The following MTHFSD variants were observed in gnomAD, a reference collection of about 807,000 sequenced individuals.
MTHFSD encodes methenyltetrahydrofolate synthetase domain containing.
In MTHFSD, 37 loss-of-function variants were observed where a neutral mutation model predicts 31.1. That is an observed-to-expected ratio of 1.19 (90% CI 0.91 to 1.56). The LOEUF (loss-of-function observed/expected upper bound fraction) is 1.56, where lower values mean the gene tolerates loss of function less well. Ranked by LOEUF, MTHFSD falls within the 40% of genes most tolerant of loss-of-function variation. The probability of loss-of-function intolerance (pLI) is 0.00; values close to 1 mark genes in which losing one functional copy is unlikely to be tolerated. For synonymous variants in MTHFSD, 221 were observed against 206.9 expected, an observed-to-expected ratio of 1.07 and a Z score of -0.59; for missense variants, 664 against 510.1, an observed-to-expected ratio of 1.30 and a Z score of -2.91.
At chr16:86,539,191 C>T (rs749521053) in intron 7 of MTHFSD, among the ~76,000 whole-genome samples, 9 of 152,144 alleles carry the variant, frequency 5.9e-5, no homozygotes, top group Non-Finnish European at 1.2e-4. Flanking sequence ...TGGTCACAGG[C>T]GGTATGGAGC....
rs1407180055 is a variant in MTHFSD, at chr16:86,542,919, G to T, written c.443-706C>A. Among the ~76,000 whole-genome samples, 1 of 152,196 alleles carries T rather than the reference G, an allele frequency of 6.6e-6. No homozygotes were observed. Among genetic ancestry groups the T allele is most frequent in the African/African-American group, 2.4e-5 (1 of 41,438 alleles). On this transcript the variant is annotated intron_variant, in intron 5 of 7. Transcript: ENST00000360900. The surrounding 1 kb of genome is among the most constrained non-coding windows in gnomAD (Gnocchi z 4.6). ...ATGGAGAAGCTACAATTCCGCTTAT[G>T]AGAAGCCTGAGGCACTTCAGAAACT...
At position 86,531,752 on chromosome 16, in the gene MTHFSD, C is replaced by A. The variant is rs947364592; in HGVS notation, c.*259G>T. On this transcript the variant is annotated 3_prime_UTR_variant, in exon 8 of 8. Transcript: ENST00000360900. This position sits in a 1 kb window ranked among gnomAD's most constrained non-coding sequence, Gnocchi z 5.5. ...TCTGTCCCTCCAGAGAAACAGAAAC[C>A]GACTCAAGGCCCGAGCCTGCACGAT... is the stretch of plus-strand genomic sequence containing the variant. The A allele has an allele frequency of 3.0e-6, 1 of 337,204 alleles. No homozygotes were observed. The highest frequency in any genetic ancestry group is 2.1e-5 in the African/African-American group (1 of 47,398). The allele number at this position is 337,204 out of a possible 1,614,324, so 20.9% of individuals were successfully genotyped here. A position where few individuals can be genotyped will look rare whatever the true frequency, so the allele number is the denominator to read the frequency against.
At chr16:86,555,027 C>T (rs767163172) in intron 1 of MTHFSD, 142 bp downstream of exon 1, 2 of 1,441,382 alleles carry the variant, frequency 1.4e-6, no homozygotes, top group African/African-American at 1.4e-5. Context: ...GAACCCAGCA[C>T]AGACCCCCTC....
intron 7 of MTHFSD, among the ~76,000 whole-genome samples, chr16:86,539,568 C>T (rs1215787002): frequency 1.3e-5 from 2 of 152,196 alleles, no homozygotes; most frequent in Non-Finnish European, 2.9e-5. Context: ...AAACTCTTGA[C>T]TGCTAAACTC....
chr16:86,540,920 T>C (rs947498107), intron 7 of MTHFSD: 2 of 1,135,582 alleles, frequency 1.8e-6, no homozygotes, highest in Non-Finnish European at 2.2e-6. Flanking sequence ...GGCTGGGCTG[T>C]GGCAAAAGCA....
intron 5 of MTHFSD, among the ~76,000 whole-genome samples, chr16:86,543,421 T>A (rs1231764919): frequency 6.6e-6 from 1 of 152,198 alleles, no homozygotes; most frequent in African/African-American, 2.4e-5. Flanking sequence ...GCACCTAGAC[T>A]ATCCCACAGA....
chr16:86,542,373 C>T lies in MTHFSD; in HGVS notation c.443-160G>A, dbSNP rs1971649316. The T allele has an allele frequency of 4.8e-6, 3 of 621,496 alleles. No homozygotes were observed. Among genetic ancestry groups the T allele is most frequent in the South Asian group, 4.0e-5 (2 of 50,562 alleles). The allele number at this position is 621,496 out of a possible 1,614,324, so 38.5% of individuals were successfully genotyped here. ...TGCCCACCAAATGCCCACAAGCAGC[C>T]CACACTGACGATGGACTTTTGGGCA... is the stretch of plus-strand genomic sequence containing the variant. On this transcript the variant is annotated intron_variant, in intron 5 of 7. Transcript: ENST00000360900. This position sits in a 1 kb window ranked among gnomAD's most constrained non-coding sequence, Gnocchi z 4.6.
At chr16:86,533,634 G>C (rs1006749928) in intron 7 of MTHFSD, 1 of 152,168 alleles carries the variant, frequency 6.6e-6, no homozygotes, top group East Asian at 1.9e-4. Flanking sequence ...TTAGAGCAAT[G>C]GTCCTTATCC....
At position 86,531,994 on chromosome 16, in the gene MTHFSD, C is replaced by T. The variant is rs535115199; in HGVS notation, c.*17G>A. On this transcript the variant is annotated 3_prime_UTR_variant, in exon 8 of 8. Transcript: ENST00000360900. The surrounding 1 kb of genome is among the most constrained non-coding windows in gnomAD (Gnocchi z 5.5). ...GGGATGGCGAGTCTGCAGTGAGCTC[C>T]GTGGCTGTCCACGAGGTCACTTGTC... The T allele has an allele frequency of 1.1e-5, 16 of 1,441,026 alleles. No homozygotes were observed. In the East Asian group the frequency reaches 2.6e-4, roughly 23 times the overall value. The allele number at this position is 1,441,026 out of a possible 1,614,324, so 89.3% of individuals were successfully genotyped here.
At chr16:86,547,057 A>G in intron 4 of MTHFSD, 2 of 658,046 alleles carry the variant, frequency 3.0e-6, no homozygotes, top group African/African-American at 1.9e-5. Flanking sequence ...CAGCTGTAAG[A>G]CAGGGACACC....
Position 86,546,610 on chromosome 16 carries a change from T to C in MTHFSD, c.391A>G (p.Arg131Gly), listed in dbSNP as rs1413899355. Residue 131 changes from arginine to glycine, a missense_variant, in exon 5 of 8, where the codon AGA (arginine) becomes GGA (glycine). By Grantham distance (125) the Arg-to-Gly change is moderately radical. Transcript: ENST00000360900. Reference sequence around the variant, plus strand: ...ACCACAACTAAATCCACGAGGACTCTGGAGTCCAAGCCTATGGGGACACTG... The same window carrying C: ...ACCACAACTAAATCCACGAGGACTCCGGAGTCCAAGCCTATGGGGACACTG... ...NYSVPIGLDS[R>G]VLVDLVVVGS... is the part of the protein sequence containing the mutation. 2 of 1,613,946 alleles carry C rather than the reference T, an allele frequency of 1.2e-6. No individual in the cohort carries two copies. The highest frequency in any genetic ancestry group is 4.5e-5 in the East Asian group (2 of 44,890).
chr16:86,548,677 A>G (rs2143794486), intron 3 of MTHFSD, 100 bp from the exon 4 acceptor site: 2 of 894,246 alleles, frequency 2.2e-6, no homozygotes, highest in East Asian at 5.5e-5. Flanking sequence ...GCAAATTACT[A>G]TTATCCGCAT....
At chr16:86,554,339 T>TGTAACACTC (rs1491207563) in intron 2 of MTHFSD, among the ~76,000 whole-genome samples, 3 of 152,126 alleles carry the variant, frequency 2.0e-5, no homozygotes, top group Admixed American at 1.3e-4. Flanking sequence ...CTTTAAAAAC[T>TGTAACACTC]GTAACACTCA....
chr16:86,542,541 G>A lies in MTHFSD; in HGVS notation c.443-328C>T, dbSNP rs1971673750. The A allele has an allele frequency of 4.5e-6, 1 of 223,404 alleles. No individual in the cohort carries two copies. Among genetic ancestry groups the A allele is most frequent in the African/African-American group, 2.3e-5 (1 of 43,702 alleles). 13.8% of individuals were successfully genotyped at this position (223,404 alleles called of 1,614,324 possible). A position where few individuals can be genotyped will look rare whatever the true frequency, so the allele number is the denominator to read the frequency against. On this transcript the variant is annotated intron_variant, in intron 5 of 7. Transcript: ENST00000360900. This position sits in a 1 kb window ranked among gnomAD's most constrained non-coding sequence, Gnocchi z 4.6. ...AGCAAGACTCATACTTAAAAAGAAT[G>A]AAAAGAGCAGTTCTCAAAAAGACTA...
At chr16:86,544,975 A>G (rs752483748) in intron 5 of MTHFSD, among the ~76,000 whole-genome samples, 2 of 152,252 alleles carry the variant, frequency 1.3e-5, no homozygotes, top group African/African-American at 2.4e-5. Flanking sequence ...CTAGCACTGC[A>G]TGTTCTCACT....
At chr16:86,541,594 A>G (rs1480835520) in intron 7 of MTHFSD, 103 bp downstream of exon 7, 3 of 1,481,934 alleles carry the variant, frequency 2.0e-6, no homozygotes, top group Non-Finnish European at 2.7e-6. Flanking sequence ...TCTAACATAC[A>G]GCCATGCTGG....
chr16:86,530,318 C>G lies in MTHFSD; in HGVS notation c.*1693G>C, dbSNP rs761886796. On this transcript the variant is annotated 3_prime_UTR_variant, in exon 8 of 8. Coordinates refer to ENST00000360900, the MANE Select transcript of MTHFSD (RefSeq NM_001159377.2). ...ACCTGGATTATTCTGGCTAAAGCGA[C>G]AGGAAATCCCAGCAGTCTGGCTTCC... 2 of 152,214 alleles carry G rather than the reference C, an allele frequency of 1.3e-5. No individual in the cohort carries two copies. Among genetic ancestry groups the G allele is most frequent in the African/African-American group, 2.4e-5 (1 of 41,442 alleles). The allele number at this position is 152,214 out of a possible 1,614,324, so 9.4% of individuals were successfully genotyped here. A position where few individuals can be genotyped will look rare whatever the true frequency, so the allele number is the denominator to read the frequency against.
chr16:86,532,697 G>C (rs867356222), intron 7 of MTHFSD: 1 of 386,496 alleles, frequency 2.6e-6, no homozygotes, highest in Non-Finnish European at 4.6e-6. Context: ...CCTGGCTTAA[G>C]GGAAGTCAGC....
At chr16:86,541,116 G>C in intron 7 of MTHFSD, 1 of 1,280,302 alleles carries the variant, frequency 7.8e-7, no homozygotes. Context: ...TTTGCCAGCA[G>C]AGACAGCATC....
Sources: gnomAD v4.1 joint callset for allele counts (sites outside exome capture counted in the v4.1 genomes callset) on GRCh38, gnomAD v4.1.1 for gene constraint, Gnocchi (gnomAD v3.1) non-coding constraint, MANE v1.5 for transcripts, NCBI Gene and HGNC (gene_info 2026-07-23, HGNC 2026-07-21) for gene names.